IFT140: variants seen among roughly 807,000 people sequenced by gnomAD.
IFT140 encodes the protein intraflagellar transport 140.
A neutral mutation model predicts 164.6 loss-of-function variants in IFT140; 133 were observed. The observed-to-expected ratio is 0.81, with a 90% CI of 0.70 to 0.93. IFT140 has a LOEUF of 0.93. IFT140 is among the 40% of genes least tolerant of loss of function. IFT140 has a pLI of 0.00. For synonymous variants in IFT140, 860 were observed against 817.3 expected (o/e 1.05, Z -0.89); for missense variants, 2,045 against 1,972.3 (o/e 1.04, Z -0.70).
rs1437840478 is a variant in IFT140, at chr16:1,583,316, G to A, written c.1430C>T (p.Ala477Val). Residue 477 changes from alanine to valine, a missense_variant and splice_region_variant, in exon 12 of 31, where the codon GCA becomes GTA. Coordinates refer to ENST00000426508, the MANE Select transcript of IFT140 (RefSeq NM_014714.4). The part of the protein sequence containing the change: ...FELSGAAIRS[A>V]GTFLCETPVL... ...CTGTCCGGGTGAAAAGAACCCACCT[G>A]CACTCCGTATCGCGGCTCCAGAAAG... 6.2e-7 allele frequency: 1 copy of A among 1,613,918 alleles called. No individual in the cohort carries two copies. The highest frequency in any genetic ancestry group is 2.2e-5 in the East Asian group (1 of 44,882).
intron 13 of IFT140, chr16:1,577,193 T>C (rs952350976): frequency 6.6e-5 from 10 of 152,158 alleles, no homozygotes; most frequent in African/African-American, 2.4e-4. Context: ...TTGCTTGATA[T>C]GGACAGTAGA....
At chr16:1,541,429 G>A in intron 19 of IFT140, 3 of 985,418 alleles carry the variant, frequency 3.0e-6, no homozygotes, top group Non-Finnish European at 3.6e-6. Context: ...GAGCCGCTTG[G>A]GGGTCGGGCA....
chr16:1,570,204 G>A lies in IFT140; in HGVS notation c.1652+1203C>T, dbSNP rs548394727. On this transcript the variant is annotated intron_variant, in intron 14 of 30. Coordinates refer to ENST00000426508, the MANE Select transcript of IFT140 (RefSeq NM_014714.4). ...ATTGGAGGATGGTGGTAGAAACCAA[G>A]GTCTGGGCACCAGGTGTGCCTGCTG... 1.8e-4 allele frequency among the ~76,000 whole-genome samples: 28 copies of A among 152,336 alleles called. No individual in the cohort carries two copies. The East Asian group carries it at 3.5e-3, about 19-fold the overall frequency.
intron 4 of IFT140, among the ~76,000 whole-genome samples, chr16:1,596,000 G>A (rs1000240905): frequency 6.6e-6 from 1 of 151,272 alleles, no homozygotes; most frequent in African/African-American, 2.4e-5. Context: ...AGCTTGCAAT[G>A]AGCCAAGATC....
At chr16:1,550,821 A>G (rs903732034) in intron 19 of IFT140, among the ~76,000 whole-genome samples, 3 of 152,216 alleles carry the variant, frequency 2.0e-5, no homozygotes, top group Non-Finnish European at 4.4e-5. Flanking sequence ...CAGTTCCCCA[A>G]GGAAAGTCAA....
chr16:1,552,201 A>AT lies in IFT140; in HGVS notation c.2399+5733dup, dbSNP rs541625913. On this transcript the variant is annotated intron_variant, in intron 19 of 30. Transcript: ENST00000426508. Reference sequence around the variant, plus strand: ...TGAGGGGGAGAAACAGGCTGTGGCCATGGCGGGCTGGAGCCTGATGAAGGC... The same window carrying AT: ...TGAGGGGGAGAAACAGGCTGTGGCCATTGGCGGGCTGGAGCCTGATGAAGGC... Among the ~76,000 whole-genome samples the AT allele has an allele frequency of 1.8e-3, 271 of 152,308 alleles. 2 individuals carry two copies. Among genetic ancestry groups the AT allele is most frequent in the African/African-American group, 6.2e-3 (259 of 41,556 alleles).
At chr16:1,577,193 T>A (rs952350976) in intron 13 of IFT140, 5 of 152,158 alleles carry the variant, frequency 3.3e-5, no homozygotes, top group African/African-American at 1.2e-4. Flanking sequence ...TTGCTTGATA[T>A]GGACAGTAGA....
At chr16:1,555,030 G>A (rs777808222) in intron 19 of IFT140, 2 of 1,604,456 alleles carry the variant, frequency 1.2e-6, no homozygotes, top group South Asian at 1.1e-5. Flanking sequence ...ATGCTGAGTC[G>A]CCCTTCTCAG....
chr16:1,525,764 C>T (rs1246419464), intron 21 of IFT140, 123 bp downstream of exon 21: 16 of 1,030,944 alleles, frequency 1.6e-5, no homozygotes, highest in Non-Finnish European at 2.2e-5. Flanking sequence ...AGGCTGCCAC[C>T]ACCCTGAGAC....
In IFT140 at chr16:1,523,831, G is replaced by A. The variant is rs766892443; in HGVS notation, c.3267C>T (p.His1089=). The change falls in exon 25 of 31, where the codon CAC becomes CAT. Residue 1089 remains histidine, a synonymous_variant. Coordinates refer to ENST00000426508, the MANE Select transcript of IFT140 (RefSeq NM_014714.4). ...CCCACCGGTGGCCAGCCCTCACCTT[G>A]TGGTACAGCATGACCGCCCTGTCCA... ...VQMDRAVMLY[H]KAGHFSKALE... is the part of the protein sequence containing the mutation. 1 of 1,612,816 alleles carries A rather than the reference G, an allele frequency of 6.2e-7. No homozygotes were observed. Among genetic ancestry groups the A allele is most frequent in the Non-Finnish European group, 8.5e-7 (1 of 1,179,946 alleles).
intron 19 of IFT140, among the ~76,000 whole-genome samples, chr16:1,530,466 C>T (rs1171398597): frequency 2.0e-5 from 3 of 152,188 alleles, no homozygotes; most frequent in Non-Finnish European, 4.4e-5. Context: ...CCCGATTGTG[C>T]ACACCCTCTC....
rs1367255215 is a variant in IFT140, at chr16:1,596,270, C to T, written c.370-3682G>A. Reference sequence around the variant, plus strand: ...CCGTGTCTGCAAAGCATTTTATGCACACCACATCCTCAGAGGCATTCATTC... The same window carrying T: ...CCGTGTCTGCAAAGCATTTTATGCATACCACATCCTCAGAGGCATTCATTC... On this transcript the variant is annotated intron_variant, in intron 4 of 30. Coordinates refer to ENST00000426508, the MANE Select transcript of IFT140 (RefSeq NM_014714.4). 3.9e-5 allele frequency among the ~76,000 whole-genome samples: 6 copies of T among 152,086 alleles called. No individual in the cohort carries two copies. The East Asian group carries it at 1.2e-3, about 29-fold the overall frequency.
chr16:1,524,215 T>C (rs563200644), intron 24 of IFT140: 5 of 613,748 alleles, frequency 8.1e-6, no homozygotes, highest in Admixed American at 3.1e-5. Context: ...AGAGCCCAGG[T>C]TGGGACATTT....
intron 13 of IFT140, chr16:1,577,719 G>A (rs2034349166): frequency 1.3e-5 from 2 of 152,342 alleles, no homozygotes; most frequent in African/African-American, 4.8e-5. Flanking sequence ...GCCGGGCGTG[G>A]TGGCGGGCAC....
chr16:1,534,389 G>A, intron 19 of IFT140: 1 of 1,612,802 alleles, frequency 6.2e-7, no homozygotes. Context: ...TGGAGGATGG[G>A]CGCAGGCGCA....
intron 19 of IFT140, chr16:1,554,708 G>A: frequency 6.3e-7 from 1 of 1,581,330 alleles, no homozygotes; most frequent in Non-Finnish European, 8.6e-7. Flanking sequence ...CCTGCTCTAG[G>A]ACAGAGGGCT....
At chr16:1,565,503 G>C (rs1179840050) in intron 16 of IFT140, among the ~76,000 whole-genome samples, 1 of 152,088 alleles carries the variant, frequency 6.6e-6, no homozygotes, top group African/African-American at 2.4e-5. Context: ...TCAAGTAATG[G>C]AGGAGGGAAA....
In IFT140 at chr16:1,580,840, CAAG is replaced by C; in HGVS notation, c.1440_1442del (p.Phe480del). The C allele has an allele frequency of 1.9e-6, 3 of 1,612,720 alleles. No individual in the cohort carries two copies. The highest frequency in any genetic ancestry group is 1.7e-4 in the Middle Eastern group (1 of 6,058). ...GCATTGCTAACACAGGCGTCTCACA[CAAG>C]AAGGTCCCTAAAATGAAAGACGAAC... is the stretch of plus-strand genomic sequence containing the variant. On this transcript the variant is annotated inframe_deletion, in exon 13 of 31. Transcript: ENST00000426508.
Position 1,553,983 on chromosome 16 carries a change from C to T in IFT140, c.2399+3952G>A. ...GCATCAGCGACTAACTAGACGGGAA[C>T]AAGCTGCGCCAACCAAGGGTTGCTC... On this transcript the variant is annotated intron_variant, in intron 19 of 30. Coordinates refer to ENST00000426508, the MANE Select transcript of IFT140 (RefSeq NM_014714.4). The surrounding 1 kb of genome is among the most constrained non-coding windows in gnomAD (Gnocchi z 4.4). The T allele has an allele frequency of 2.3e-6, 3 of 1,287,242 alleles. No individual in the cohort carries two copies. The highest frequency in any genetic ancestry group is 1.2e-5 in the South Asian group (1 of 80,936). The allele number at this position is 1,287,242 out of a possible 1,614,324, so 79.7% of individuals were successfully genotyped here.
Sources: allele counts gnomAD v4.1 joint callset (sites outside exome capture counted in the v4.1 genomes callset), GRCh38; gene constraint gnomAD v4.1.1; non-coding constraint Gnocchi (gnomAD v3.1); transcripts MANE v1.5; gene names NCBI Gene and HGNC (gene_info 2026-07-23, HGNC 2026-07-21).